Variants in CCDC43 observed in about 807,000 individuals in gnomAD.
The protein encoded by CCDC43 is coiled-coil domain-containing protein 43.
CCDC43 carries 20 observed loss-of-function variants against 33.3 expected under a neutral mutation model. The observed-to-expected ratio is 0.60, with a 90% CI of 0.42 to 0.87. The LOEUF (loss-of-function observed/expected upper bound fraction) is 0.87, where lower values mean the gene tolerates loss of function less well. Ranked by LOEUF, CCDC43 falls within the 40% of genes least tolerant of loss-of-function variation. The pLI is 0.00. For missense variants in CCDC43, 248 were observed against 269.9 expected (o/e 0.92, Z 0.57); for synonymous variants, 104 against 106.5 (o/e 0.98, Z 0.14).
At chr17:44,685,320 C>G (rs892984261) in intron 1 of CCDC43, among the ~76,000 whole-genome samples, 1 of 152,152 alleles carries the variant, frequency 6.6e-6, no homozygotes, top group Non-Finnish European at 1.5e-5. Flanking sequence ...CATGCTAGAT[C>G]ATATCCATTA....
At chr17:44,680,159 A>AT (rs753924465) in intron 4 of CCDC43, among the ~76,000 whole-genome samples, 20 of 151,046 alleles carry the variant, frequency 1.3e-4, no homozygotes, top group South Asian at 1.3e-3. Context: ...AGTGTTTTGT[A>AT]TTTTTTTTAG....
chr17:44,679,283 GA>G (rs1972122394), intron 4 of CCDC43, among the ~76,000 whole-genome samples: 1 of 151,910 alleles, frequency 6.6e-6, no homozygotes. Context: ...ACCTAAATCT[GA>G]ATTTTAAAAT....
In CCDC43 at chr17:44,689,530, A is replaced by G; in HGVS notation, c.204+20T>C. 1 of 1,613,804 alleles carries G rather than the reference A, an allele frequency of 6.2e-7. No homozygotes were observed. Among genetic ancestry groups the G allele is most frequent in the South Asian group, 1.1e-5 (1 of 91,066 alleles). On this transcript the variant is annotated intron_variant, in intron 1 of 4. Coordinates refer to ENST00000315286, the MANE Select transcript of CCDC43 (RefSeq NM_144609.3). ...TCAGATGCTGGCCAGAGGCTGAAGG[A>G]ATGTGTCCAGGCTACTCACCAGGAA...
intron 1 of CCDC43, 179 bp downstream of exon 1, chr17:44,689,371 T>C: frequency 2.4e-6 from 2 of 833,360 alleles, no homozygotes; most frequent in South Asian, 3.7e-5. Context: ...CTTTCAGGCT[T>C]CCCACACCTG....
At chr17:44,679,675 T>C (rs559525535) in intron 4 of CCDC43, among the ~76,000 whole-genome samples, 17 of 152,116 alleles carry the variant, frequency 1.1e-4, no homozygotes, top group African/African-American at 3.9e-4. Flanking sequence ...AGGTAGATCA[T>C]GAGGTCAGGA....
intron 2 of CCDC43, among the ~76,000 whole-genome samples, chr17:44,682,944 G>A (rs1972183868): frequency 6.6e-6 from 1 of 152,142 alleles, no homozygotes; most frequent in South Asian, 2.1e-4. Flanking sequence ...GTGTAAAATA[G>A]TAGTTCTCAC....
chr17:44,680,740 G>A (rs934142854), intron 3 of CCDC43, 97 bp from the exon 4 acceptor site: 4 of 846,464 alleles, frequency 4.7e-6, no homozygotes, highest in Admixed American at 1.7e-5. Flanking sequence ...CACACTGAAT[G>A]GAGGGAGCAC....
In CCDC43 at chr17:44,682,015, G is replaced by C; in HGVS notation, c.416C>G (p.Thr139Arg). ...AALLAQYADV[T>R]DEEDEADEKD... ...CCAGAAAGGATATTCCTCTTCATCTGTCACATCAGCATACTGGGCCAGGAG... is the reference window on the plus strand; with the variant it reads ...CCAGAAAGGATATTCCTCTTCATCTCTCACATCAGCATACTGGGCCAGGAG... The change falls in exon 3 of 5, where the codon ACA (threonine) becomes AGA (arginine). Residue 139 changes from threonine to arginine, a missense_variant. Thr to Arg is a moderately conservative substitution (Grantham distance 71, BLOSUM62 -1). Transcript: ENST00000315286. 1 of 1,613,960 alleles carries C rather than the reference G, an allele frequency of 6.2e-7. No individual in the cohort carries two copies. The highest frequency in any genetic ancestry group is 8.5e-7 in the Non-Finnish European group (1 of 1,179,876).
chr17:44,682,201 G>A, intron 2 of CCDC43, 63 bp from the exon 3 acceptor site: 1 of 1,595,432 alleles, frequency 6.3e-7, no homozygotes, highest in Non-Finnish European at 8.6e-7. Context: ...TGAACCACTA[G>A]TCCACATAGG....
chr17:44,689,405 C>G (rs1972288736), intron 1 of CCDC43, 145 bp downstream of exon 1: 2 of 1,253,910 alleles, frequency 1.6e-6, no homozygotes, highest in East Asian at 5.1e-5. Context: ...CTCCTTCCCC[C>G]GCCGCCCAGA....
intron 2 of CCDC43, among the ~76,000 whole-genome samples, chr17:44,682,460 C>A (rs951649015): frequency 1.4e-5 from 2 of 145,242 alleles, no homozygotes; most frequent in Non-Finnish European, 3.0e-5. Context: ...AGCCTCTGAA[C>A]ACTCAACTTC....
intron 3 of CCDC43, 162 bp downstream of exon 3, chr17:44,681,841 A>C: frequency 1.3e-6 from 1 of 768,180 alleles, no homozygotes; most frequent in Non-Finnish European, 2.1e-6. Flanking sequence ...AACTAATCCA[A>C]TATCACTCCG....
Position 44,677,547 on chromosome 17 carries a change from T to C in CCDC43, c.*1309A>G, listed in dbSNP as rs1972095084. 1 of 151,686 alleles carries C rather than the reference T, an allele frequency of 6.6e-6. No homozygotes were observed. Among genetic ancestry groups the C allele is most frequent in the Admixed American group, 6.6e-5 (1 of 15,252 alleles). 9.4% of individuals were successfully genotyped at this position (151,686 alleles called of 1,614,324 possible). ...TAACATGTCTCCTTTTCCTTAACCA[T>C]GTTTTTTTTTTTTTAACCTTCTGCA... On this transcript the variant is annotated 3_prime_UTR_variant, in exon 5 of 5. Coordinates refer to ENST00000315286, the MANE Select transcript of CCDC43 (RefSeq NM_144609.3).
chr17:44,678,695 A>C lies in CCDC43; in HGVS notation c.*161T>G. 1 of 719,726 alleles carries C rather than the reference A, an allele frequency of 1.4e-6. No homozygotes were observed. The highest frequency in any genetic ancestry group is 2.2e-6 in the Non-Finnish European group (1 of 445,800). The allele number at this position is 719,726 out of a possible 1,614,324, so 44.6% of individuals were successfully genotyped here. ...ATTGCCCACCCCACCAAAACAGCAC[A>C]TTTTGTAATTAGAAGTGATTTTGAT... On this transcript the variant is annotated 3_prime_UTR_variant, in exon 5 of 5. Coordinates refer to ENST00000315286, the MANE Select transcript of CCDC43 (RefSeq NM_144609.3).
chr17:44,689,180 A>G (rs1972284780), intron 1 of CCDC43: 1 of 245,414 alleles, frequency 4.1e-6, no homozygotes, highest in South Asian at 5.3e-5. Context: ...GAGCATTTTA[A>G]TACCCCCAGT....
chr17:44,683,283 T>G (rs1972188721), intron 2 of CCDC43, among the ~76,000 whole-genome samples: 1 of 152,104 alleles, frequency 6.6e-6, no homozygotes, highest in African/African-American at 2.4e-5. Flanking sequence ...ATCCCAGCAC[T>G]TTGGGAGGCT....
At chr17:44,682,206 C>G (rs1972173620) in intron 2 of CCDC43, 68 bp from the exon 3 acceptor site, 1 of 1,586,162 alleles carries the variant, frequency 6.3e-7, no homozygotes, top group Non-Finnish European at 8.6e-7. Flanking sequence ...CACTAGTCCA[C>G]ATAGGCAGCA....
Position 44,680,633 on chromosome 17 carries a change from C to T in CCDC43, c.439G>A (p.Glu147Lys), listed in dbSNP as rs1972145164. Reference protein sequence around the residue: ...DVTDEEDEADEKDDSGATTMN... With the variant: ...DVTDEEDEADKKDDSGATTMN... The stretch of plus-strand genomic sequence containing the variant: ...GTGGTAGCACCTGAATCATCCTTCT[C>T]ATCTGCTTCAGTAAGTGATGTTAAG... Residue 147 changes from glutamate (E) to lysine (K), a missense_variant, in exon 4 of 5, where the codon GAG becomes AAG. Physicochemically the swap from Glu to Lys is moderately conservative, Grantham distance 56. Coordinates refer to ENST00000315286, the MANE Select transcript of CCDC43 (RefSeq NM_144609.3). 1 of 1,608,174 alleles carries T rather than the reference C, an allele frequency of 6.2e-7. No individual in the cohort carries two copies. Among genetic ancestry groups the T allele is most frequent in the Non-Finnish European group, 8.5e-7 (1 of 1,175,140 alleles).
intron 3 of CCDC43, 21 bp from the exon 4 acceptor site, chr17:44,680,664 T>G: frequency 6.3e-7 from 1 of 1,593,458 alleles, no homozygotes; most frequent in Non-Finnish European, 8.6e-7. Flanking sequence ...TTAAGGAAAG[T>G]CAGATGGAAA....
Sources: gnomAD v4.1 joint callset for allele counts (sites outside exome capture counted in the v4.1 genomes callset) on GRCh38, gnomAD v4.1.1 for gene constraint, MANE v1.5 for transcripts, NCBI Gene and HGNC (gene_info 2026-07-23, HGNC 2026-07-21) for gene names.